The following GRIN2B variants were observed in gnomAD, a reference collection of about 807,000 sequenced individuals.
GRIN2B encodes glutamate receptor ionotropic, NMDA 2B.
A neutral mutation model predicts 114.5 loss-of-function variants in GRIN2B; 5 were observed. The observed-to-expected ratio is 0.04, with a 90% confidence interval of 0.02 to 0.09. The LOEUF (loss-of-function observed/expected upper bound fraction) is 0.09, where lower values mean the gene tolerates loss of function less well. Ranked by LOEUF, GRIN2B falls within the 10% of genes least tolerant of loss-of-function variation. GRIN2B has a pLI of 1.00. For synonymous variants in GRIN2B, 787 were observed against 745.1 expected (o/e 1.06, Z -0.92); for missense variants, 1,108 against 1,943.5 (o/e 0.57, Z 8.08).
chr12:13,902,983 T>C (rs1259603680), intron 2 of GRIN2B, among the ~76,000 whole-genome samples: 1 of 152,154 alleles, frequency 6.6e-6, no homozygotes, highest in African/African-American at 2.4e-5. Context: ...TATTGGTGAG[T>C]TATATTCTCC....
chr12:13,730,725 A>C (rs1325585698), intron 4 of GRIN2B, among the ~76,000 whole-genome samples: 1 of 152,092 alleles, frequency 6.6e-6, no homozygotes, highest in Non-Finnish European at 1.5e-5. Flanking sequence ...TTTCTTCCTT[A>C]TGCTGTTTAT....
At chr12:13,794,937 G>A (rs1455788334) in intron 3 of GRIN2B, among the ~76,000 whole-genome samples, 2 of 152,206 alleles carry the variant, frequency 1.3e-5, no homozygotes, top group African/African-American at 2.4e-5. Context: ...TTGCCAGCAA[G>A]CCTCACCATG....
rs200186058 is a variant in GRIN2B at position 13,563,487 on chromosome 12, G to A, written c.3751C>T (p.Leu1251=). ...GAGTTGTCCTCACTGATGTCATACA[G>A]GTTGCCTGCTTTCTTGCAAGCCTCA... ...RCEACKKAGN[L]YDISEDNSLQ... is the part of the protein sequence containing the mutation. The change falls in exon 14 of 14, where the codon CTG becomes TTG. Residue 1251 remains leucine (L), a synonymous_variant. Coordinates refer to ENST00000609686, the MANE Select transcript of GRIN2B (RefSeq NM_000834.5). The A allele has an allele frequency of 1.9e-6, 3 of 1,614,174 alleles. No homozygotes were observed. The highest frequency in any genetic ancestry group is 1.3e-5 in the African/African-American group (1 of 75,046).
chr12:13,689,480 A>G (rs1024340238), intron 4 of GRIN2B, among the ~76,000 whole-genome samples: 4 of 152,174 alleles, frequency 2.6e-5, no homozygotes, highest in African/African-American at 7.2e-5. Context: ...CTTTCTTTAC[A>G]AAATGATTCT....
intron 3 of GRIN2B, among the ~76,000 whole-genome samples, chr12:13,819,044 A>C (rs1864881924): frequency 6.6e-6 from 1 of 152,234 alleles, no homozygotes; most frequent in African/African-American, 2.4e-5. Flanking sequence ...AGAATGTGAC[A>C]GTATTTGAAG....
At chr12:13,584,183 C>T (rs573263856) in intron 10 of GRIN2B, among the ~76,000 whole-genome samples, 91 of 152,284 alleles carry the variant, frequency 6.0e-4, no homozygotes, top group African/African-American at 2.1e-3. Context: ...CTCGCAGTTT[C>T]TAAAACTCAC....
intron 5 of GRIN2B, among the ~76,000 whole-genome samples, chr12:13,630,122 C>T (rs148272737): frequency 6.6e-4 from 100 of 152,192 alleles, no homozygotes; most frequent in East Asian, 2.3e-3. Context: ...AAGATTACCA[C>T]GGTAAGCACT....
intron 3 of GRIN2B, among the ~76,000 whole-genome samples, chr12:13,842,986 T>C (rs968871018): frequency 8.3e-5 from 12 of 145,086 alleles, no homozygotes; most frequent in Non-Finnish European, 1.8e-4. Context: ...TTTTTTGCGG[T>C]GTTTTGTTTT....
intron 2 of GRIN2B, among the ~76,000 whole-genome samples, chr12:13,974,106 GC>G (rs1862976310): frequency 6.6e-6 from 1 of 152,204 alleles, no homozygotes; most frequent in African/African-American, 2.4e-5. Flanking sequence ...TGTCTGAAGG[GC>G]ATGGCAACTT....
intron 2 of GRIN2B, among the ~76,000 whole-genome samples, chr12:13,894,090 GGTGAAAC>G: frequency 6.6e-6 from 1 of 152,088 alleles, no homozygotes. Context: ...CCAAGGACAT[GGTGAAAC>G]ACAGCACTCT....
rs1949508026 is a variant in GRIN2B, at chr12:13,621,122, T to C, written c.1126-4465A>G. Among the ~76,000 whole-genome samples, 2 of 152,092 alleles carry C rather than the reference T, an allele frequency of 1.3e-5. 1 individual carries two copies. The highest frequency in any genetic ancestry group is 4.1e-4 in the South Asian group (2 of 4,820). On this transcript the variant is annotated intron_variant, in intron 5 of 13. Transcript: ENST00000609686. ...ACAAAAATTATGTAGAAGAACAAGG[T>C]GTATTTCAAGCAATCTTTCTCTCAA...
chr12:13,957,171 C>G (rs1867606933), intron 2 of GRIN2B, among the ~76,000 whole-genome samples: 1 of 152,190 alleles, frequency 6.6e-6, no homozygotes, highest in East Asian at 1.9e-4. Flanking sequence ...GGGGATCTGT[C>G]ATTTTCTGTT....
At position 13,540,370 on chromosome 12, in the gene GRIN2B, T is replaced by C. The variant is rs922478714; in HGVS notation, c.*22413A>G. 4 of 152,164 alleles carry C rather than the reference T, an allele frequency of 2.6e-5. No homozygotes were observed. The highest frequency in any genetic ancestry group is 5.9e-5 in the Non-Finnish European group (4 of 68,036). 9.4% of individuals were successfully genotyped at this position (152,164 alleles called of 1,614,324 possible). ...TATACATCACAAAGTTTTTCTTGTT[T>C]TTTTATGTTGTCTTTTTTTTAATTC... On this transcript the variant is annotated 3_prime_UTR_variant, in exon 14 of 14. Coordinates refer to ENST00000609686, the MANE Select transcript of GRIN2B (RefSeq NM_000834.5).
chr12:13,673,262 T>C (rs1950040072), intron 5 of GRIN2B, among the ~76,000 whole-genome samples: 1 of 152,078 alleles, frequency 6.6e-6, no homozygotes, highest in African/African-American at 2.4e-5. Context: ...TCATGACATG[T>C]ACAGGGGACG....
At chr12:13,650,439 C>T (rs1242897290) in intron 5 of GRIN2B, among the ~76,000 whole-genome samples, 1 of 152,006 alleles carries the variant, frequency 6.6e-6, no homozygotes, top group Admixed American at 6.6e-5. Context: ...TTCAGCAGAC[C>T]ATAGTGTGTG....
chr12:13,585,335 C>T (rs1948904880), intron 10 of GRIN2B, among the ~76,000 whole-genome samples: 1 of 152,174 alleles, frequency 6.6e-6, no homozygotes, highest in Non-Finnish European at 1.5e-5. Context: ...ACAGGTGTGT[C>T]TCTGCCCTCC....
rs1949788257 is a variant in GRIN2B, at chr12:13,648,894, G to T, written c.1125+26851C>A. On this transcript the variant is annotated intron_variant, in intron 5 of 13. Coordinates refer to ENST00000609686, the MANE Select transcript of GRIN2B (RefSeq NM_000834.5). ...TCCAGTATCTTCTTTAATTTATTAG[G>T]ATATTGGTTTTAACATATGTGCTAT... Among the ~76,000 whole-genome samples the T allele has an allele frequency of 2.0e-5, 3 of 152,028 alleles. No individual in the cohort carries two copies. In the South Asian group the frequency reaches 6.2e-4, roughly 32 times the overall value.
chr12:13,669,136 TC>T (rs1302457128), intron 5 of GRIN2B, among the ~76,000 whole-genome samples: 1 of 151,996 alleles, frequency 6.6e-6, no homozygotes, highest in Non-Finnish European at 1.5e-5. Flanking sequence ...TTCAAAGTCA[TC>T]CCCTGGTGTT....
intron 10 of GRIN2B, among the ~76,000 whole-genome samples, chr12:13,604,052 G>A (rs1486274846): frequency 3.3e-5 from 5 of 152,174 alleles, no homozygotes; most frequent in Non-Finnish European, 7.4e-5. Flanking sequence ...TTCATACTAT[G>A]GTTGGCAGAC....
Sources: allele counts gnomAD v4.1 joint callset (sites outside exome capture counted in the v4.1 genomes callset), GRCh38; gene constraint gnomAD v4.1.1; transcripts MANE v1.5; gene names NCBI Gene and HGNC (gene_info 2026-07-23, HGNC 2026-07-21).